UBA1: variants seen among roughly 807,000 people sequenced by gnomAD.
The protein encoded by UBA1 is ubiquitin-like modifier-activating enzyme 1.
A neutral mutation model predicts 84.7 loss-of-function variants in UBA1; 4 were observed. The ratio of observed to expected loss-of-function variants is 0.05; its 90% CI spans 0.02 to 0.11. UBA1 has a LOEUF of 0.11. UBA1 is among the 10% of genes least tolerant of loss of function. UBA1 has a pLI of 1.00. For missense variants in UBA1, 513 were observed against 902.8 expected, an observed-to-expected ratio of 0.57 and a Z score of 5.53; for synonymous variants, 364 against 362.6, an observed-to-expected ratio of 1.00 and a Z score of -0.04.
chrX:47,195,889 C>A (rs1433570311), intron 1 of UBA1, among the ~76,000 whole-genome samples: 2 of 110,864 alleles, frequency 1.8e-5, no homozygotes, highest in Non-Finnish European at 3.8e-5. Context: ...CTTGCATGTC[C>A]CTATCTATTA....
At position 47,207,858 on chromosome X, in the gene UBA1, A is replaced by G. The variant is rs534569945; in HGVS notation, c.1938+1414A>G. ...GGAATGACAGCATCTACCTCACAGG[A>G]CTATTGTGAACCACTTGGCATTTAC... On this transcript the variant is annotated intron_variant, in intron 16 of 25. Transcript: ENST00000335972. Among the ~76,000 whole-genome samples the G allele has an allele frequency of 5.4e-5, 6 of 111,990 alleles. No homozygotes were observed. The South Asian group carries it at 1.8e-3, about 34-fold the overall frequency.
chrX:47,209,806 G>T (rs1936847349), intron 17 of UBA1, 119 bp downstream of exon 17: 6 of 1,070,564 alleles, frequency 5.6e-6, no homozygotes, highest in Non-Finnish European at 3.9e-6. Context: ...ATGAGTGGCT[G>T]TTGGGGCCTC....
At position 47,209,409 on chromosome X, in the gene UBA1, C is replaced by A. The variant is rs527813054; in HGVS notation, c.1939-214C>A. 957 of 515,790 alleles carry A rather than the reference C, an allele frequency of 1.9e-3. 3 individuals carry two copies. The highest frequency in any genetic ancestry group is 9.7e-3 in the Middle Eastern group (28 of 2,880). The allele number at this position is 515,790 out of a possible 1,213,427, so 42.5% of individuals were successfully genotyped here. Reference sequence around the variant, plus strand: ...CCTCAGGTGATCCATCTGCCTTAGCCTCCCAAAGTGCTGGGATTACAGGTG... The same window carrying A: ...CCTCAGGTGATCCATCTGCCTTAGCATCCCAAAGTGCTGGGATTACAGGTG... On this transcript the variant is annotated intron_variant, in intron 16 of 25. Coordinates refer to ENST00000335972, the MANE Select transcript of UBA1 (RefSeq NM_003334.4).
At chrX:47,197,247 A>C (rs1936237104) in intron 1 of UBA1, 16 of 755,015 alleles carry the variant, frequency 2.1e-5, no homozygotes, top group Non-Finnish European at 2.5e-5. Flanking sequence ...CACCAGCTGC[A>C]TGCCTCTGGG....
At chrX:47,196,441 G>A (rs1271917672) in intron 1 of UBA1, among the ~76,000 whole-genome samples, 2 of 111,803 alleles carry the variant, frequency 1.8e-5, no homozygotes, top group African/African-American at 3.3e-5. Flanking sequence ...GAATGCTTAC[G>A]CTTGAAAATC....
rs1937079748 is a variant in UBA1 at position 47,214,817 on chromosome X, T to C, written c.3065T>C (p.Val1022Ala). 1 of 1,210,095 alleles carries C rather than the reference T, an allele frequency of 8.3e-7. No individual in the cohort carries two copies. The highest frequency in any genetic ancestry group is 1.1e-6 in the Non-Finnish European group (1 of 895,396). Residue 1022 changes from valine (V) to alanine (A), a missense_variant, in exon 26 of 26, where the codon GTG becomes GCG. Physicochemically the swap from Val to Ala is moderately conservative, Grantham distance 64. Coordinates refer to ENST00000335972, the MANE Select transcript of UBA1 (RefSeq NM_003334.4). The stretch of plus-strand genomic sequence containing the variant: ...AGGATGACAGAGATTGTGAGCCGTG[T>C]GTCGAAGCGAAAGCTGGGCCGCCAC... ...DQPMTEIVSR[V>A]SKRKLGRHVR...
chrX:47,212,577 G>A, intron 21 of UBA1, 65 bp downstream of exon 21: 1 of 1,027,648 alleles, frequency 9.7e-7, no homozygotes, highest in Non-Finnish European at 1.4e-6. Flanking sequence ...GGAGAAAACA[G>A]GAGTATCTGG....
chrX:47,197,854 A>G (rs1021339566), intron 1 of UBA1: 2 of 570,313 alleles, frequency 3.5e-6, no homozygotes, highest in Admixed American at 1.6e-4. Flanking sequence ...TTTTTCCATC[A>G]CTTTAAAGTT....
chrX:47,204,433 A>G (rs1936573826), intron 14 of UBA1, among the ~76,000 whole-genome samples: 2 of 111,365 alleles, frequency 1.8e-5, no homozygotes, highest in Admixed American at 1.9e-4. Flanking sequence ...AACAGCAACA[A>G]GGTGTAACAA....
Position 47,199,568 on chromosome X carries a change from C to A in UBA1, c.434C>A (p.Thr145Asn). ...GAGCTCAACAGCTATGTGCCTGTCA[C>A]TGCCTACACTGGACCCCTCGTTGAG... ...LAELNSYVPV[T>N]AYTGPLVEDF... Residue 145 changes from threonine to asparagine, a missense_variant, in exon 5 of 26, where the codon ACT becomes AAT. Transcript: ENST00000335972. 1 of 1,211,842 alleles carries A rather than the reference C, an allele frequency of 8.3e-7. No individual in the cohort carries two copies. The highest frequency in any genetic ancestry group is 1.1e-6 in the Non-Finnish European group (1 of 895,391).
At position 47,194,347 on chromosome X, in the gene UBA1, A is replaced by G. The variant is rs1393415638; in HGVS notation, c.-1+323A>G. Among the ~76,000 whole-genome samples, 3 of 112,301 alleles carry G rather than the reference A, an allele frequency of 2.7e-5. No homozygotes were observed. In the East Asian group the frequency reaches 8.4e-4, roughly 32 times the overall value. On this transcript the variant is annotated intron_variant, in intron 1 of 25. Transcript: ENST00000335972. Reference sequence around the variant, plus strand: ...AGATCAGAACTCTTCCCCAGTCTCCAATAGAGATTTACGTGGATCAGCATT... The same window carrying G: ...AGATCAGAACTCTTCCCCAGTCTCCGATAGAGATTTACGTGGATCAGCATT...
intron 14 of UBA1, chrX:47,205,443 C>T (rs1408007844): frequency 2.9e-6 from 1 of 342,272 alleles, no homozygotes; most frequent in Non-Finnish European, 5.9e-6. Context: ...ATGCTGAGCC[C>T]CTGCCACATG....
chrX:47,207,347 C>T (rs1556791459), intron 16 of UBA1, among the ~76,000 whole-genome samples: 4 of 111,421 alleles, frequency 3.6e-5, no homozygotes, highest in Admixed American at 2.9e-4. Context: ...TCGGGCCACA[C>T]ATAAAATATA....
rs1937056175 is a variant in UBA1 at position 47,214,314 on chromosome X, CTT to C, written c.2839-11_2839-10del. ...GATGGTCTCCATCTTACACTCCCCT[CTT>C]TGTCTTGCAGTACTATAACCAAGAG... On this transcript the variant is annotated splice_polypyrimidine_tract_variant and intron_variant, in intron 23 of 25. Transcript: ENST00000335972. The C allele has an allele frequency of 5.0e-6, 6 of 1,207,289 alleles. No individual in the cohort carries two copies. In the East Asian group the frequency reaches 1.8e-4, roughly 36 times the overall value.
intron 1 of UBA1, chrX:47,198,065 T>G: frequency 2.2e-6 from 2 of 900,249 alleles, no homozygotes; most frequent in Non-Finnish European, 2.8e-6. Flanking sequence ...TTCTATCTTT[T>G]TGCAACCTCT....
chrX:47,203,312 C>G (rs1936495767), intron 13 of UBA1, 98 bp downstream of exon 13: 7 of 985,874 alleles, frequency 7.1e-6, no homozygotes, highest in Non-Finnish European at 1.0e-5. Context: ...GTGGCGCATT[C>G]TCTTTGCCAT....
intron 16 of UBA1, 187 bp downstream of exon 16, chrX:47,206,631 A>C: frequency 4.5e-6 from 2 of 448,780 alleles, no homozygotes; most frequent in South Asian, 3.5e-5. Context: ...TTCTTTTTTC[A>C]CTTTTATTTT....
At chrX:47,192,539 A>T (rs1936083669), upstream of UBA1, among the ~76,000 whole-genome samples, 1 of 111,180 alleles carries the variant, frequency 9.0e-6, no homozygotes. Context: ...TAAAAATTTA[A>T]CAGTGCCTTG....
chrX:47,195,256 C>CT (rs1376174635), intron 1 of UBA1, among the ~76,000 whole-genome samples: 2 of 110,401 alleles, frequency 1.8e-5, no homozygotes, highest in African/African-American at 6.6e-5. Context: ...TTTTCTTTTT[C>CT]TTTTTTCCGA....
Sources: allele counts gnomAD v4.1 joint callset (sites outside exome capture counted in the v4.1 genomes callset), GRCh38; gene constraint gnomAD v4.1.1; transcripts MANE v1.5; gene names NCBI Gene and HGNC (gene_info 2026-07-23, HGNC 2026-07-21).